Variants in MOB1B observed in about 807,000 individuals in gnomAD.
The protein encoded by MOB1B is MOB1 Mps One Binder homolog B.
A neutral mutation model predicts 24.4 loss-of-function variants in MOB1B; 19 were observed. The observed-to-expected ratio is 0.78, with a 90% CI of 0.54 to 1.14. MOB1B has a LOEUF of 1.14. Ranked by LOEUF, MOB1B falls within the 50% of genes most tolerant of loss-of-function variation. The probability of loss-of-function intolerance (pLI) is 0.00; values close to 1 mark genes in which losing one functional copy is unlikely to be tolerated. For missense variants in MOB1B, 243 were observed against 259.6 expected, an observed-to-expected ratio of 0.94 and a Z score of 0.44; for synonymous variants, 76 against 82.1, an observed-to-expected ratio of 0.93 and a Z score of 0.40.
rs1003725244 is a variant in MOB1B at position 70,982,896 on chromosome 4, T to C, written c.*839T>C. On this transcript the variant is annotated 3_prime_UTR_variant, in exon 6 of 6. Transcript: ENST00000309395. ...GTGAGGTTTCCTAGTAATTGCCAAA[T>C]GAGCCGTAAGTCTGCAGAATTCCCT... The C allele has an allele frequency of 6.6e-6, 1 of 152,538 alleles. No homozygotes were observed. Among genetic ancestry groups the C allele is most frequent in the Non-Finnish European group, 1.5e-5 (1 of 68,014 alleles). The allele number at this position is 152,538 out of a possible 1,614,324, so 9.4% of individuals were successfully genotyped here.
At chr4:70,946,587 A>G (rs1316093094) in intron 1 of MOB1B, among the ~76,000 whole-genome samples, 1 of 152,208 alleles carries the variant, frequency 6.6e-6, no homozygotes, top group Non-Finnish European at 1.5e-5. Flanking sequence ...AGTGCATGTA[A>G]ATATGCATAT....
At chr4:70,927,332 A>G (rs1006254523) in intron 1 of MOB1B, among the ~76,000 whole-genome samples, 1 of 152,122 alleles carries the variant, frequency 6.6e-6, no homozygotes, top group Non-Finnish European at 1.5e-5. Context: ...TGAGATCAGG[A>G]GTTCGAGACC....
chr4:70,967,136 T>C (rs1279516443), intron 2 of MOB1B, among the ~76,000 whole-genome samples: 1 of 142,490 alleles, frequency 7.0e-6, no homozygotes, highest in Admixed American at 7.1e-5. Context: ...TACTGGAGTC[T>C]TTTTTTTTTT....
chr4:70,926,566 T>G (rs1302462544), intron 1 of MOB1B, among the ~76,000 whole-genome samples: 2 of 151,706 alleles, frequency 1.3e-5, no homozygotes. Context: ...ATAAACTGTT[T>G]GTGCATTCCA....
At chr4:70,934,247 G>A (rs961610181) in intron 1 of MOB1B, among the ~76,000 whole-genome samples, 1 of 151,488 alleles carries the variant, frequency 6.6e-6, no homozygotes, top group Non-Finnish European at 1.5e-5. Context: ...ACATGTGCCT[G>A]GCTAATTTTT....
intron 1 of MOB1B, among the ~76,000 whole-genome samples, chr4:70,918,155 G>A (rs898997812): frequency 1.3e-5 from 2 of 152,060 alleles, no homozygotes; most frequent in Non-Finnish European, 2.9e-5. Context: ...TTTTCTAGAT[G>A]TTTTCAGGGG....
At chr4:70,934,450 A>G (rs1737004714) in intron 1 of MOB1B, among the ~76,000 whole-genome samples, 1 of 149,504 alleles carries the variant, frequency 6.7e-6, no homozygotes, top group Non-Finnish European at 1.5e-5. Context: ...AAGTACTGGA[A>G]TATAATTTTT....
intron 1 of MOB1B, among the ~76,000 whole-genome samples, chr4:70,912,225 TTAAGTA>T (rs1303285178): frequency 1.3e-5 from 2 of 151,486 alleles, no homozygotes; most frequent in East Asian, 2.0e-4. Context: ...ACACATTTAA[TTAAGTA>T]TAAGTGTAGC....
intron 1 of MOB1B, among the ~76,000 whole-genome samples, chr4:70,943,326 A>G (rs567528478): frequency 1.3e-5 from 2 of 152,238 alleles, no homozygotes; most frequent in South Asian, 2.1e-4. Flanking sequence ...CCCATTGAAC[A>G]GCACAGCTGT....
intron 1 of MOB1B, among the ~76,000 whole-genome samples, chr4:70,939,816 C>T (rs183195415): frequency 5.8e-4 from 88 of 152,294 alleles, no homozygotes; most frequent in Non-Finnish European, 9.8e-4. Flanking sequence ...TTTTGTATCC[C>T]GGAGTTCTTG....
chr4:70,970,863 T>C (rs531975579), intron 3 of MOB1B, among the ~76,000 whole-genome samples: 13 of 152,316 alleles, frequency 8.5e-5, no homozygotes, highest in African/African-American at 3.1e-4. Flanking sequence ...TTGGCAGTTC[T>C]CAGTAAAGAG....
intron 3 of MOB1B, among the ~76,000 whole-genome samples, chr4:70,970,419 C>T (rs1158999054): frequency 6.6e-6 from 1 of 152,190 alleles, no homozygotes; most frequent in Non-Finnish European, 1.5e-5. Context: ...TCAAAGCCTT[C>T]TGATTTCATC....
chr4:70,941,674 C>G (rs888283108), intron 1 of MOB1B, among the ~76,000 whole-genome samples: 6 of 152,168 alleles, frequency 3.9e-5, no homozygotes, highest in Non-Finnish European at 8.8e-5. Flanking sequence ...TTACTCTGTT[C>G]CATCCTTCCT....
intron 1 of MOB1B, among the ~76,000 whole-genome samples, chr4:70,925,560 A>G (rs553195536): frequency 1.3e-5 from 2 of 152,290 alleles, no homozygotes; most frequent in South Asian, 4.1e-4. Context: ...CTACATAACC[A>G]TAATCCTTGA....
At position 70,969,980 on chromosome 4, in the gene MOB1B, C is replaced by T. The variant is rs528090016; in HGVS notation, c.231C>T (p.Asp77=). 5.0e-6 allele frequency: 8 copies of T among 1,607,346 alleles called. No homozygotes were observed. In the East Asian group the frequency reaches 8.9e-5, roughly 18 times the overall value. Residue 77 remains aspartate (D), a synonymous_variant, in exon 3 of 6, where the codon GAC becomes GAT. Transcript: ENST00000309395. The part of the protein sequence containing the change: ...QINMLYGTIT[D]FCTEESCPVM... ...ACATGCTTTATGGAACTATCACAGA[C>T]TTCTGTACAGAAGAGAGTTGTCCAG...
At chr4:70,939,458 G>A (rs751124026) in intron 1 of MOB1B, among the ~76,000 whole-genome samples, 5 of 152,170 alleles carry the variant, frequency 3.3e-5, no homozygotes, top group Non-Finnish European at 7.3e-5. Context: ...CAAGGTGGGC[G>A]GATCACCTGA....
chr4:70,933,431 A>G (rs1736957442), intron 1 of MOB1B, among the ~76,000 whole-genome samples: 1 of 151,830 alleles, frequency 6.6e-6, no homozygotes, highest in South Asian at 2.1e-4. Context: ...CATTCAAACT[A>G]GTTTTAATTA....
intron 1 of MOB1B, among the ~76,000 whole-genome samples, chr4:70,924,711 C>G (rs1037499439): frequency 1.3e-5 from 2 of 152,144 alleles, no homozygotes; most frequent in Non-Finnish European, 2.9e-5. Context: ...CATTTCCCAT[C>G]TATGCATCTA....
chr4:70,913,918 C>CTT lies in MOB1B; in HGVS notation c.14+11378_14+11379dup, dbSNP rs59264552. Among the ~76,000 whole-genome samples the CTT allele has an allele frequency of 4.1e-3, 603 of 147,484 alleles. 3 individuals carry two copies. The highest frequency in any genetic ancestry group is 0.017 in the Middle Eastern group (5 of 288). ...ATTTTACTGTAAGGAGGAATTTACTCTTTTTTTTTTTAATACCAATGTGTG... is the reference window on the plus strand; with the variant it reads ...ATTTTACTGTAAGGAGGAATTTACTCTTTTTTTTTTTTTAATACCAATGTGTG... On this transcript the variant is annotated intron_variant, in intron 1 of 5. Coordinates refer to ENST00000309395, the MANE Select transcript of MOB1B (RefSeq NM_173468.4).
Sources: gnomAD v4.1 joint callset for allele counts (sites outside exome capture counted in the v4.1 genomes callset) on GRCh38, gnomAD v4.1.1 for gene constraint, MANE v1.5 for transcripts, NCBI Gene and HGNC (gene_info 2026-07-23, HGNC 2026-07-21) for gene names.